The following CWF19L1 variants were observed in gnomAD, a reference collection of about 807,000 sequenced individuals.
CWF19L1 encodes CWF19-like protein 1.
In CWF19L1, 60 loss-of-function variants were observed where a neutral mutation model predicts 69.7. The observed-to-expected ratio is 0.86, with a 90% CI of 0.70 to 1.07. The LOEUF (loss-of-function observed/expected upper bound fraction) is 1.07, where lower values mean the gene tolerates loss of function less well. Among genes scored for constraint, CWF19L1 ranks in the 50% least tolerant of loss-of-function variants. CWF19L1 has a pLI of 0.00. For missense variants in CWF19L1, 591 were observed against 638.9 expected (o/e 0.92, Z 0.81); for synonymous variants, 209 against 222.2 (o/e 0.94, Z 0.53).
chr10:100,236,778 AAACAAAC>A (rs922486466), intron 12 of CWF19L1, 65 bp downstream of exon 12: 71 of 1,518,524 alleles, frequency 4.7e-5, no homozygotes, highest in East Asian at 1.8e-4. Context: ...TCAAACAAAC[AAACAAAC>A]AACAAACAAC....
chr10:100,233,395 C>A, intron 13 of CWF19L1, 24 bp from the exon 14 acceptor site: 1 of 1,603,404 alleles, frequency 6.2e-7, no homozygotes, highest in Non-Finnish European at 8.5e-7. Flanking sequence ...ACAAAGAAGT[C>A]AAAATGGAAA....
intron 4 of CWF19L1, among the ~76,000 whole-genome samples, chr10:100,258,351 G>A (rs1026459294): frequency 9.2e-5 from 14 of 152,058 alleles, no homozygotes; most frequent in African/African-American, 3.4e-4. Flanking sequence ...CCTCCTACTG[G>A]ATCCAAAAAA....
chr10:100,265,559 C>T (rs1351065259), intron 1 of CWF19L1, among the ~76,000 whole-genome samples: 1 of 143,806 alleles, frequency 7.0e-6, no homozygotes, highest in Non-Finnish European at 1.5e-5. Flanking sequence ...CTCGCTCTGT[C>T]GCCCAGGCTG....
chr10:100,267,374 C>A (rs574496689), intron 1 of CWF19L1, 197 bp downstream of exon 1: 1 of 965,094 alleles, frequency 1.0e-6, no homozygotes, highest in East Asian at 1.1e-4. Context: ...CCAAGAGAAA[C>A]CCCCTCAGAA....
In CWF19L1 at chr10:100,246,937, T is replaced by C; in HGVS notation, c.709-2A>G. 1.3e-6 allele frequency: 2 copies of C among 1,597,448 alleles called. No homozygotes were observed. Among genetic ancestry groups the C allele is most frequent in the Non-Finnish European group, 1.7e-6 (2 of 1,168,846 alleles). ...AACAATACTGAACGCGTAAAGATAC[T>C]TTAGAGAAAAAGAACATAATGACAT... On this transcript the variant is annotated splice_acceptor_variant, in intron 7 of 13. Coordinates refer to ENST00000354105, the MANE Select transcript of CWF19L1 (RefSeq NM_018294.6). LOFTEE classifies it high-confidence loss of function.
intron 7 of CWF19L1, among the ~76,000 whole-genome samples, chr10:100,247,895 T>TAAAC (rs1156613343): frequency 6.6e-6 from 1 of 151,696 alleles, no homozygotes; most frequent in Admixed American, 6.6e-5. Flanking sequence ...GACTCCATCT[T>TAAAC]AAACAAACAA....
Position 100,260,197 on chromosome 10 carries a change from ATAC to A in CWF19L1, c.289+18_289+20del. ...ACAAAAAACAAAAAACAAAAAAAAA[ATAC>A]AACAAGTATCAGCTTACCCAGATAA... On this transcript the variant is annotated intron_variant, in intron 4 of 13. Coordinates refer to ENST00000354105, the MANE Select transcript of CWF19L1 (RefSeq NM_018294.6). 1 of 1,504,920 alleles carries A rather than the reference ATAC, an allele frequency of 6.6e-7. No individual in the cohort carries two copies. Among genetic ancestry groups the A allele is most frequent in the Non-Finnish European group, 9.1e-7 (1 of 1,096,456 alleles). The allele number at this position is 1,504,920 out of a possible 1,614,324, so 93.2% of individuals were successfully genotyped here.
In CWF19L1 at chr10:100,241,920, A is replaced by G. The variant is rs147603083; in HGVS notation, c.1044+1778T>C. On this transcript the variant is annotated intron_variant, in intron 10 of 13. Transcript: ENST00000354105. ...TGACTTATAAATATTTTCCTCAGGAATCTTGGGGAACATCCAATTCTAGTC... is the reference window on the plus strand; with the variant it reads ...TGACTTATAAATATTTTCCTCAGGAGTCTTGGGGAACATCCAATTCTAGTC... 3.9e-5 allele frequency among the ~76,000 whole-genome samples: 6 copies of G among 152,342 alleles called. No homozygotes were observed. The East Asian group carries it at 1.2e-3, about 29-fold the overall frequency.
In CWF19L1 at chr10:100,236,905, G is replaced by A; in HGVS notation, c.1319C>T (p.Ala440Val). ...DDIKDAFITQ[A>V]QEQQIELLEI... The stretch of plus-strand genomic sequence containing the variant: ...CAACAGCTCTATCTGCTGCTCCTGT[G>A]CCTGGGTAATGAAGGCATCTTTAAT... Residue 440 changes from alanine (A) to valine (V), a missense_variant, in exon 12 of 14, where the codon GCA becomes GTA. Coordinates refer to ENST00000354105, the MANE Select transcript of CWF19L1 (RefSeq NM_018294.6). The A allele has an allele frequency of 1.2e-6, 2 of 1,612,332 alleles. No homozygotes were observed. The highest frequency in any genetic ancestry group is 1.7e-6 in the Non-Finnish European group (2 of 1,179,126).
intron 7 of CWF19L1, among the ~76,000 whole-genome samples, chr10:100,247,564 T>C (rs1399821132): frequency 1.3e-5 from 2 of 152,190 alleles, no homozygotes; most frequent in Admixed American, 1.3e-4. Flanking sequence ...AAGTAACAAT[T>C]ATATATCATT....
chr10:100,252,112 T>C (rs1589624516), intron 6 of CWF19L1, among the ~76,000 whole-genome samples: 1 of 152,342 alleles, frequency 6.6e-6, no homozygotes, highest in African/African-American at 2.4e-5. Flanking sequence ...ATTTTAGGGA[T>C]AATCCATGCC....
intron 1 of CWF19L1, 46 bp from the exon 2 acceptor site, chr10:100,262,109 G>A (rs1847422889): frequency 6.3e-7 from 1 of 1,588,092 alleles, no homozygotes. Flanking sequence ...GAAACAAATG[G>A]GCCTGCCGGG....
At chr10:100,243,576 C>T (rs530615041) in intron 10 of CWF19L1, 122 bp downstream of exon 10, 19 of 882,674 alleles carry the variant, frequency 2.2e-5, no homozygotes, top group South Asian at 4.4e-5. Flanking sequence ...AGTAACCTTA[C>T]GAAAATCACC....
At chr10:100,247,988 A>C (rs996789297) in intron 7 of CWF19L1, among the ~76,000 whole-genome samples, 38 of 152,182 alleles carry the variant, frequency 2.5e-4, no homozygotes, top group African/African-American at 8.9e-4. Flanking sequence ...AAATTGGAAC[A>C]AAGTTTTTAG....
intron 1 of CWF19L1, among the ~76,000 whole-genome samples, chr10:100,265,111 CCT>C (rs1436442221): frequency 6.7e-6 from 1 of 149,174 alleles, no homozygotes; most frequent in Non-Finnish European, 1.5e-5. Context: ...ACAGTGAGAC[CCT>C]GTCTCCAAAA....
chr10:100,235,822 G>A lies in CWF19L1; in HGVS notation c.1375-58C>T, dbSNP rs41290532. On this transcript the variant is annotated intron_variant, in intron 12 of 13. Transcript: ENST00000354105. ...ATAATGCTTTAAAAATCTATAATCT[G>A]AGTTCATCTCTAGGCAAATAATTCA... The A allele has an allele frequency of 1.2e-3, 1,427 of 1,215,948 alleles. 2 individuals carry two copies. The highest frequency in any genetic ancestry group is 1.5e-3 in the Non-Finnish European group (1,292 of 837,976). The allele number at this position is 1,215,948 out of a possible 1,614,324, so 75.3% of individuals were successfully genotyped here. A position where few individuals can be genotyped will look rare whatever the true frequency, so the allele number is the denominator to read the frequency against.
In CWF19L1 at chr10:100,235,657, A is replaced by G; in HGVS notation, c.1472+10T>C. The G allele has an allele frequency of 6.3e-7, 1 of 1,593,000 alleles. No homozygotes were observed. The highest frequency in any genetic ancestry group is 8.6e-7 in the Non-Finnish European group (1 of 1,163,490). On this transcript the variant is annotated intron_variant, in intron 13 of 13. Coordinates refer to ENST00000354105, the MANE Select transcript of CWF19L1 (RefSeq NM_018294.6). Reference sequence around the variant, plus strand: ...CTAGTGAAAATACATTGAAAAGAAGAAAAACATACCTTCCAAACTGCAAAG... The same window carrying G: ...CTAGTGAAAATACATTGAAAAGAAGGAAAACATACCTTCCAAACTGCAAAG...
Position 100,256,448 on chromosome 10 carries a change from C to G in CWF19L1, c.318G>C (p.Ser106=). The change falls in exon 5 of 14, where the codon TCG becomes TCC. Residue 106 remains serine, a synonymous_variant. Coordinates refer to ENST00000354105, the MANE Select transcript of CWF19L1 (RefSeq NM_018294.6). ...CACTGAGGTACACAATCTGCAGCCC[C>G]GAGCTTCCAGTGAAGATACCTTTAC... The part of the protein sequence containing the change: ...LGRKGIFTGS[S]GLQIVYLSGT... 1 of 1,614,128 alleles carries G rather than the reference C, an allele frequency of 6.2e-7. No homozygotes were observed. Among genetic ancestry groups the G allele is most frequent in the Non-Finnish European group, 8.5e-7 (1 of 1,180,012 alleles).
chr10:100,255,118 T>C (rs1847165605), intron 5 of CWF19L1, among the ~76,000 whole-genome samples: 1 of 152,236 alleles, frequency 6.6e-6, no homozygotes, highest in African/African-American at 2.4e-5. Flanking sequence ...CCCTCACACA[T>C]AACCTTTTCA....
Sources: allele counts gnomAD v4.1 joint callset (sites outside exome capture counted in the v4.1 genomes callset), GRCh38; gene constraint gnomAD v4.1.1; transcripts MANE v1.5; gene names NCBI Gene and HGNC (gene_info 2026-07-23, HGNC 2026-07-21).